Variants in GREB1 observed in about 807,000 individuals in gnomAD.
GREB1 encodes protein GREB1.
In GREB1, 106 loss-of-function variants were observed where a neutral mutation model predicts 200.7. The observed-to-expected ratio is 0.53, with a 90% CI of 0.45 to 0.62. GREB1 has a LOEUF of 0.62. Ranked by LOEUF, GREB1 falls within the 20% of genes least tolerant of loss-of-function variation. The probability of loss-of-function intolerance (pLI) is 0.00; values close to 1 mark genes in which losing one functional copy is unlikely to be tolerated. For missense variants in GREB1, 2,243 were observed against 2,556.8 expected, an observed-to-expected ratio of 0.88 and a Z score of 2.65; for synonymous variants, 1,132 against 1,092.4, an observed-to-expected ratio of 1.04 and a Z score of -0.72.
chr2:11,582,416 C>T (rs909471105), intron 7 of GREB1, among the ~76,000 whole-genome samples: 6 of 152,196 alleles, frequency 3.9e-5, no homozygotes, highest in African/African-American at 1.4e-4. Flanking sequence ...CAGTTGAGCT[C>T]CCCCACCCCC....
intron 1 of GREB1, among the ~76,000 whole-genome samples, chr2:11,521,665 G>A (rs1673709532): frequency 6.6e-6 from 1 of 152,152 alleles, no homozygotes; most frequent in Admixed American, 6.6e-5. Context: ...ATCAGCTACG[G>A]AGCCTCTCCT....
intron 1 of GREB1, among the ~76,000 whole-genome samples, chr2:11,542,020 G>C (rs1190784495): frequency 6.6e-5 from 10 of 151,428 alleles, no homozygotes. Context: ...TTCCCTCCAG[G>C]CCTTCTTGCC....
intron 1 of GREB1, among the ~76,000 whole-genome samples, chr2:11,545,915 C>T (rs561074398): frequency 3.0e-4 from 45 of 152,276 alleles, no homozygotes; most frequent in African/African-American, 1.0e-3. Flanking sequence ...CGGTGGCTCA[C>T]GCCCGTAATC....
intron 1 of GREB1, among the ~76,000 whole-genome samples, chr2:11,510,688 A>AT (rs56901979): frequency 3.2e-3 from 326 of 102,226 alleles, no homozygotes; most frequent in Middle Eastern, 0.019. Context: ...GAACATATGG[A>AT]TTTTTTTTTT....
At chr2:11,578,558 ACAC>A in intron 6 of GREB1, 127 bp downstream of exon 6, 3 of 906,272 alleles carry the variant, frequency 3.3e-6, no homozygotes, top group Non-Finnish European at 3.3e-6. Flanking sequence ...TTTTTCTATA[ACAC>A]CTTTACTTTC....
At chr2:11,585,611 C>G (rs1488706723) in intron 8 of GREB1, 151 bp from the exon 9 acceptor site, 1 of 767,428 alleles carries the variant, frequency 1.3e-6, no homozygotes, top group Non-Finnish European at 2.1e-6. Flanking sequence ...GTGCCGTTGA[C>G]CTTAGGAATC....
intron 4 of GREB1, among the ~76,000 whole-genome samples, chr2:11,567,830 C>T (rs761053235): frequency 2.6e-5 from 4 of 152,184 alleles, no homozygotes; most frequent in Non-Finnish European, 4.4e-5. Flanking sequence ...GACTGAGAGC[C>T]CGGGGATCTG....
At chr2:11,635,924 G>A (rs1020103966) in intron 30 of GREB1, among the ~76,000 whole-genome samples, 10 of 152,222 alleles carry the variant, frequency 6.6e-5, no homozygotes, top group African/African-American at 2.2e-4. Flanking sequence ...TGCAGCAGGT[G>A]TGTCTCTGCC....
At chr2:11,544,129 G>A (rs867681546) in intron 1 of GREB1, among the ~76,000 whole-genome samples, 5 of 152,136 alleles carry the variant, frequency 3.3e-5, no homozygotes, top group Middle Eastern at 3.2e-3. Flanking sequence ...TGGAGTGAAG[G>A]GACCTCAGAG....
rs571930870 is a variant in GREB1 at position 11,515,133 on chromosome 2, T to TCCATCCATCCAC, written c.-159+32755_-159+32756insTCCATCCACCCA. ...TTCCATCCATCCATCCATCCATCCATCCACCCACCCCCCATCCGTCCATCT... is the reference window on the plus strand; with the variant it reads ...TTCCATCCATCCATCCATCCATCCATCCATCCATCCACCCACCCACCCCCCATCCGTCCATCT... On this transcript the variant is annotated intron_variant, in intron 1 of 2. Coordinates refer to the GREB1 transcript ENST00000628795. Among the ~76,000 whole-genome samples, 36 of 144,466 alleles carry TCCATCCATCCAC rather than the reference T, an allele frequency of 2.5e-4. 1 individual carries two copies. The highest frequency in any genetic ancestry group is 6.9e-4 in the African/African-American group (26 of 37,800). The allele number at this position is 144,466 out of a possible 152,430, so 94.8% of individuals were successfully genotyped here.
Position 11,610,792 on chromosome 2 carries a change from C to T in GREB1, c.2771C>T (p.Thr924Met), listed in dbSNP as rs755805775. ...GGCCTCCCGCAGATGAAGAACTACA[C>T]GTCGGTGGAGACGCTGGAGATCACG... ...VSGLPQMKNY[T>M]SVETLEITQN... Residue 924 changes from threonine to methionine, a missense_variant, in exon 18 of 33, where the codon ACG becomes ATG. By Grantham distance (81) the Thr-to-Met change is moderately conservative. Around this residue, in one of 3 missense-constraint regions of GREB1, gnomAD observed 1,178 missense variants for 1,387.4 expected, o/e 0.85. Coordinates refer to ENST00000381486, the MANE Select transcript of GREB1 (RefSeq NM_014668.4). 2 of 1,613,468 alleles carry T rather than the reference C, an allele frequency of 1.2e-6. No homozygotes were observed. Among genetic ancestry groups the T allele is most frequent in the Non-Finnish European group, 1.7e-6 (2 of 1,180,000 alleles).
At position 11,640,275 on chromosome 2, in the gene GREB1, G is replaced by T. The variant is rs1399951113; in HGVS notation, c.5687-16G>T. 1.9e-6 allele frequency: 3 copies of T among 1,603,438 alleles called. No individual in the cohort carries two copies. The African/African-American group carries it at 4.0e-5, about 22-fold the overall frequency. On this transcript the variant is annotated splice_polypyrimidine_tract_variant and intron_variant, in intron 32 of 32. Transcript: ENST00000381486. The surrounding 1 kb of genome is among the most constrained non-coding windows in gnomAD (Gnocchi z 4.6). ...TCACCTTTTCCCTTCCCACACCTCTGCCGTTGTCCACGCAGGTGCGACGTT... is the reference window on the plus strand; with the variant it reads ...TCACCTTTTCCCTTCCCACACCTCTTCCGTTGTCCACGCAGGTGCGACGTT...
chr2:11,611,321 T>C (rs1682905681), intron 18 of GREB1, among the ~76,000 whole-genome samples: 1 of 152,138 alleles, frequency 6.6e-6, no homozygotes, highest in South Asian at 2.1e-4. Context: ...GCTTCTTTAT[T>C]TTCCCCTTTG....
intron 4 of GREB1, among the ~76,000 whole-genome samples, chr2:11,567,911 C>T (rs1013727252): frequency 6.6e-5 from 10 of 152,112 alleles, no homozygotes; most frequent in African/African-American, 1.9e-4. Context: ...ATCCATGAAG[C>T]GGGGAGGTGA....
intron 1 of GREB1, among the ~76,000 whole-genome samples, chr2:11,545,637 T>A (rs1052588771): frequency 6.6e-6 from 1 of 152,382 alleles, no homozygotes; most frequent in South Asian, 2.1e-4. Flanking sequence ...TAAAGCATAC[T>A]GAGGGCCATC....
At chr2:11,572,462 A>T (rs1678409270) in intron 4 of GREB1, among the ~76,000 whole-genome samples, 1 of 152,212 alleles carries the variant, frequency 6.6e-6, no homozygotes, top group Non-Finnish European at 1.5e-5. Context: ...GTCTGAAGGA[A>T]GCCACCTATG....
chr2:11,625,055 G>T (rs895576619), intron 23 of GREB1, 99 bp from the exon 24 acceptor site: 11 of 950,596 alleles, frequency 1.2e-5, no homozygotes, highest in Non-Finnish European at 1.8e-5. Context: ...GCCTGATGTC[G>T]CATTTCTCAG....
At chr2:11,567,684 T>G (rs1204375886) in intron 4 of GREB1, among the ~76,000 whole-genome samples, 2 of 152,178 alleles carry the variant, frequency 1.3e-5, no homozygotes, top group African/African-American at 2.4e-5. Flanking sequence ...AGGCTCTGAG[T>G]GCAGAGCTGA....
Position 11,588,791 on chromosome 2 carries a change from T to A in GREB1, c.1205T>A (p.Val402Glu). 6.2e-7 allele frequency: 1 copy of A among 1,614,234 alleles called. No homozygotes were observed. The highest frequency in any genetic ancestry group is 8.5e-7 in the Non-Finnish European group (1 of 1,180,038). The change falls in exon 10 of 33, where the codon GTG (valine) becomes GAG (glutamate). Residue 402 changes from valine to glutamate, a missense_variant. Physicochemically the swap from Val to Glu is moderately radical, Grantham distance 121. Coordinates refer to ENST00000381486, the MANE Select transcript of GREB1 (RefSeq NM_014668.4). Reference protein sequence around the residue: ...PYLCGNLNDVVVSPLLYTCYQ... With the variant: ...PYLCGNLNDVEVSPLLYTCYQ... ...CTCTGTGGGAACCTGAATGACGTCGTGGTCAGCCCCCTCTTGTACACGTGC... is the reference window on the plus strand; with the variant it reads ...CTCTGTGGGAACCTGAATGACGTCGAGGTCAGCCCCCTCTTGTACACGTGC...
Sources: gnomAD v4.1 joint callset for allele counts (sites outside exome capture counted in the v4.1 genomes callset) on GRCh38, gnomAD v4.1.1 for gene constraint, gnomAD v4.1.1 regional missense constraint, Gnocchi (gnomAD v3.1) non-coding constraint, MANE v1.5 for transcripts, NCBI Gene and HGNC (gene_info 2026-07-23, HGNC 2026-07-21) for gene names.